The following ZNF558 variants were observed in gnomAD, a reference collection of about 807,000 sequenced individuals.
ZNF558 encodes zinc finger protein 558.
Under a neutral mutation model 37.6 loss-of-function variants are expected in ZNF558, and 23 were observed. That is an observed-to-expected ratio of 0.61 (90% confidence interval 0.44 to 0.87). The LOEUF (loss-of-function observed/expected upper bound fraction) is 0.87. Among genes scored for constraint, ZNF558 ranks in the 40% least tolerant of loss-of-function variants. The probability of loss-of-function intolerance (pLI) is 0.00; values close to 1 mark genes in which losing one functional copy is unlikely to be tolerated. For missense variants in ZNF558, 429 were observed against 483.7 expected (o/e 0.89, Z 1.06); for synonymous variants, 189 against 174.4 (o/e 1.08, Z -0.66).
chr19:8,830,565 T>C (rs2044327166), intron 2 of ZNF558, among the ~76,000 whole-genome samples: 1 of 152,204 alleles, frequency 6.6e-6, no homozygotes, highest in Non-Finnish European at 1.5e-5. Flanking sequence ...CCTTATATTT[T>C]GAAGTTTGGT....
In ZNF558 at chr19:8,825,934, C is replaced by T. The variant is rs761036983; in HGVS notation, c.-508-826G>A. ...GACATGGGGGATGATGCTGGGTGGG[C>T]CCACTGTGATTACAGGGGTCCTTAT... is the stretch of plus-strand genomic sequence containing the variant. On this transcript the variant is annotated intron_variant, in intron 2 of 9. Transcript: ENST00000601372. 6.4e-4 allele frequency among the ~76,000 whole-genome samples: 98 copies of T among 152,178 alleles called. 1 individual carries two copies. The highest frequency in any genetic ancestry group is 1.0e-3 in the Non-Finnish European group (69 of 68,018).
chr19:8,808,755 CAGTT>C lies in ZNF558; in HGVS notation c.*2522_*2525del, dbSNP rs1406678224. On this transcript the variant is annotated 3_prime_UTR_variant, in exon 10 of 10. Transcript: ENST00000601372. ...AACAACAGATCATGTTGGCTTCAAT[CAGTT>C]AGGGGTTTCTTTTTTTAAAAATATT... 3 of 152,078 alleles carry C rather than the reference CAGTT, an allele frequency of 2.0e-5. No individual in the cohort carries two copies. Among genetic ancestry groups the C allele is most frequent in the Non-Finnish European group, 4.4e-5 (3 of 68,008 alleles). 9.4% of individuals were successfully genotyped at this position (152,078 alleles called of 1,614,324 possible). A position where few individuals can be genotyped will look rare whatever the true frequency, so the allele number is the denominator to read the frequency against.
intron 6 of ZNF558, chr19:8,821,768 A>C: frequency 7.4e-7 from 1 of 1,354,598 alleles, no homozygotes; most frequent in Middle Eastern, 2.8e-4. Context: ...CTTTCCCTTA[A>C]AACTCTCAGG....
In ZNF558 at chr19:8,811,320, A is replaced by G. The variant is rs1372673317; in HGVS notation, c.1170T>C (p.Tyr390=). Residue 390 remains tyrosine, a synonymous_variant, in exon 10 of 10, where the codon TAT becomes TAC. Coordinates refer to ENST00000601372, the MANE Select transcript of ZNF558 (RefSeq NM_144693.3). The part of the protein sequence containing the change: ...HCGKSFTSNS[Y]LSVHKRIHNR... ...TATGTATTCTCTTGTGCACAGAAAG[A>G]TAGGAGTTACTTGTGAAGGATTTCC... The G allele has an allele frequency of 1.3e-5, 21 of 1,605,612 alleles. No individual in the cohort carries two copies. The highest frequency in any genetic ancestry group is 1.6e-5 in the Non-Finnish European group (19 of 1,176,250).
chr19:8,815,980 G>C (rs1294580875), intron 7 of ZNF558, among the ~76,000 whole-genome samples: 1 of 151,934 alleles, frequency 6.6e-6, no homozygotes, highest in Non-Finnish European at 1.5e-5. Context: ...TTTGATGAAA[G>C]GCACAAATGT....
At chr19:8,825,673 AGGAGT>A (rs1176005006) in intron 2 of ZNF558, among the ~76,000 whole-genome samples, 1 of 152,152 alleles carries the variant, frequency 6.6e-6, no homozygotes, top group Non-Finnish European at 1.5e-5. Context: ...AAAAGATAAA[AGGAGT>A]GAAGGGTGTG....
chr19:8,813,675 T>C (rs1209478710), intron 7 of ZNF558, among the ~76,000 whole-genome samples: 8 of 152,310 alleles, frequency 5.3e-5, no homozygotes, highest in Admixed American at 2.0e-4. Context: ...AATTATACCT[T>C]AATTCTAGTG....
chr19:8,807,026 T>G lies in ZNF558; in HGVS notation c.*4255A>C, dbSNP rs2043709197. The G allele has an allele frequency of 6.6e-6, 1 of 152,204 alleles. No individual in the cohort carries two copies. Among genetic ancestry groups the G allele is most frequent in the South Asian group, 2.1e-4 (1 of 4,834 alleles). 9.4% of individuals were successfully genotyped at this position (152,204 alleles called of 1,614,324 possible). A position where few individuals can be genotyped will look rare whatever the true frequency, so the allele number is the denominator to read the frequency against. Reference sequence around the variant, plus strand: ...CATATTATTCTTGGTTATTTTAAAGTCTTTGTCTGCTAACTCCAATACCCA... The same window carrying G: ...CATATTATTCTTGGTTATTTTAAAGGCTTTGTCTGCTAACTCCAATACCCA... On this transcript the variant is annotated 3_prime_UTR_variant, in exon 10 of 10. Transcript: ENST00000601372.
intron 2 of ZNF558, among the ~76,000 whole-genome samples, chr19:8,825,439 C>T (rs895082717): frequency 2.0e-5 from 3 of 151,782 alleles, no homozygotes; most frequent in Non-Finnish European, 2.9e-5. Flanking sequence ...AAAAAAAAAC[C>T]CCAAACCAAA....
Position 8,821,362 on chromosome 19 carries a change from A to AG in ZNF558, c.121-57dup, listed in dbSNP as rs2044084630. The AG allele has an allele frequency of 5.6e-6, 9 of 1,614,086 alleles. No homozygotes were observed. In the Admixed American group the frequency reaches 6.7e-5, roughly 12 times the overall value. The stretch of plus-strand genomic sequence containing the variant: ...AAGGACCACCCCCACCAACGTGCAC[A>AG]GGAAGAGGGGCCAGGAGAACAGAGC... On this transcript the variant is annotated intron_variant, in intron 6 of 9. Coordinates refer to ENST00000601372, the MANE Select transcript of ZNF558 (RefSeq NM_144693.3).
At chr19:8,821,875 TGATGCCTGGAAATCCTGG>T (rs879527242) in intron 6 of ZNF558, 110 bp downstream of exon 6, 95 of 1,527,052 alleles carry the variant, frequency 6.2e-5, no homozygotes, top group Non-Finnish European at 8.1e-5. Context: ...ACCCTCCATC[TGATGCCTGGAAATCCTGG>T]GATGCCTGAG....
intron 7 of ZNF558, among the ~76,000 whole-genome samples, chr19:8,814,311 T>C (rs2043873871): frequency 6.6e-6 from 1 of 152,202 alleles, no homozygotes; most frequent in African/African-American, 2.4e-5. Flanking sequence ...CCTGAAGGAC[T>C]GGCTCAAAGG....
At position 8,811,601 on chromosome 19, in the gene ZNF558, A is replaced by T; in HGVS notation, c.889T>A (p.Cys297Ser). Residue 297 changes from cysteine to serine, a missense_variant, in exon 10 of 10, where the codon TGT becomes AGT. Coordinates refer to ENST00000601372, the MANE Select transcript of ZNF558 (RefSeq NM_144693.3). ...TGEKPYECHD[C>S]GKTFRKSSYL... The stretch of plus-strand genomic sequence containing the variant: ...GAGCTCTTCCTGAAGGTTTTCCCAC[A>T]ATCGTGACATTCATAAGGTTTCTCC... 1 of 1,614,130 alleles carries T rather than the reference A, an allele frequency of 6.2e-7. No individual in the cohort carries two copies. The highest frequency in any genetic ancestry group is 1.1e-5 in the South Asian group (1 of 91,088).
chr19:8,837,958 A>G, the ZNF558 span, among the ~76,000 whole-genome samples: 1 of 152,024 alleles, frequency 6.6e-6, no homozygotes, highest in Admixed American at 6.6e-5. Flanking sequence ...CCAGAAGATC[A>G]GCAGCCCTGG....
intron 7 of ZNF558, 74 bp downstream of exon 7, chr19:8,821,106 A>C (rs1162426724): frequency 6.4e-7 from 1 of 1,554,366 alleles, no homozygotes; most frequent in East Asian, 2.3e-5. Context: ...TTACCACAAT[A>C]AAAAAAGTAA....
At chr19:8,827,919 G>C (rs1262317347) in intron 2 of ZNF558, among the ~76,000 whole-genome samples, 1 of 152,076 alleles carries the variant, frequency 6.6e-6, no homozygotes, top group Non-Finnish European at 1.5e-5. Context: ...TGTGTTCCCA[G>C]TGCAGGGAGC....
upstream of ZNF558, among the ~76,000 whole-genome samples, chr19:8,836,341 C>A (rs112690897): frequency 8.7e-3 from 1,320 of 151,990 alleles, 14 homozygotes; most frequent in African/African-American, 0.029. Flanking sequence ...TTCTTCTCTT[C>A]TTCCTCTTCC....
In ZNF558 at chr19:8,822,204, G is replaced by T; in HGVS notation, c.32-113C>A. 1 of 1,263,630 alleles carries T rather than the reference G, an allele frequency of 7.9e-7. No homozygotes were observed. The highest frequency in any genetic ancestry group is 1.1e-6 in the Non-Finnish European group (1 of 896,822). 78.3% of individuals were successfully genotyped at this position (1,263,630 alleles called of 1,614,324 possible). On this transcript the variant is annotated intron_variant, in intron 5 of 9. Coordinates refer to ENST00000601372, the MANE Select transcript of ZNF558 (RefSeq NM_144693.3). This position sits in a 1 kb window ranked among gnomAD's most constrained non-coding sequence, Gnocchi z 4.4. ...CCACACGGATGAGGCACCACACAGTGCCCACCTACGCTCCATGCAAACACC... is the reference window on the plus strand; with the variant it reads ...CCACACGGATGAGGCACCACACAGTTCCCACCTACGCTCCATGCAAACACC...
At chr19:8,830,503 G>T (rs899881818) in intron 2 of ZNF558, among the ~76,000 whole-genome samples, 2 of 152,110 alleles carry the variant, frequency 1.3e-5, no homozygotes, top group African/African-American at 4.8e-5. Context: ...TCTGGTCGCC[G>T]GTCAATTTAA....
Sources: allele counts gnomAD v4.1 joint callset (sites outside exome capture counted in the v4.1 genomes callset), GRCh38; gene constraint gnomAD v4.1.1; non-coding constraint Gnocchi (gnomAD v3.1); transcripts MANE v1.5; gene names NCBI Gene and HGNC (gene_info 2026-07-23, HGNC 2026-07-21).